ADGRL4: variants seen among roughly 807,000 people sequenced by gnomAD.
The protein encoded by ADGRL4 is EGF, latrophilin and seven transmembrane domain containing 1.
In ADGRL4, 90 loss-of-function variants were observed where a neutral mutation model predicts 74.8. The ratio of observed to expected loss-of-function variants is 1.20; its 90% CI spans 1.02 to 1.43. ADGRL4 has a LOEUF of 1.43. Ranked by LOEUF, ADGRL4 falls within the 40% of genes most tolerant of loss-of-function variation. ADGRL4 has a pLI of 0.00. For missense variants in ADGRL4, 881 were observed against 814.3 expected (o/e 1.08, Z -1.00); for synonymous variants, 311 against 279.2 (o/e 1.11, Z -1.14).
intron 12 of ADGRL4, among the ~76,000 whole-genome samples, chr1:78,911,525 A>G (rs7533063): frequency 0.28 from 43,108 of 151,632 alleles, 6,188 homozygotes; most frequent in Middle Eastern, 0.32. Flanking sequence ...AACAAATTCT[A>G]TATAAAAACA....
chr1:78,948,907 T>C (rs528612322), intron 2 of ADGRL4, among the ~76,000 whole-genome samples: 17 of 152,230 alleles, frequency 1.1e-4, no homozygotes, highest in Admixed American at 2.6e-4. Context: ...AAAGTCAGGA[T>C]CTGTGCCCTG....
intron 2 of ADGRL4, among the ~76,000 whole-genome samples, chr1:78,963,423 A>G (rs1284965508): frequency 6.6e-6 from 1 of 152,148 alleles, no homozygotes; most frequent in East Asian, 1.9e-4. Flanking sequence ...CCCTGCCTAG[A>G]TTGGAGTATT....
At chr1:78,944,936 G>T (rs1202899465) in intron 3 of ADGRL4, among the ~76,000 whole-genome samples, 2 of 151,912 alleles carry the variant, frequency 1.3e-5, no homozygotes, top group African/African-American at 4.8e-5. Context: ...AGGCTGAGGT[G>T]GGCAGATTGC....
chr1:79,000,329 T>A (rs1244415002), intron 2 of ADGRL4, among the ~76,000 whole-genome samples: 1 of 152,172 alleles, frequency 6.6e-6, no homozygotes, highest in Non-Finnish European at 1.5e-5. Context: ...GTAATTATCC[T>A]GTTAGATAAA....
At chr1:78,936,757 A>G (rs1405905728) in intron 6 of ADGRL4, among the ~76,000 whole-genome samples, 1 of 152,198 alleles carries the variant, frequency 6.6e-6, no homozygotes, top group Non-Finnish European at 1.5e-5. Context: ...CTTACTAATG[A>G]GTGATTTAAT....
chr1:78,956,177 C>G, intron 2 of ADGRL4, among the ~76,000 whole-genome samples: 1 of 152,096 alleles, frequency 6.6e-6, no homozygotes, highest in Non-Finnish European at 1.5e-5. Flanking sequence ...ATTAGCAGGA[C>G]TTTGTCTTCA....
At chr1:78,994,187 T>C (rs1470100338) in intron 2 of ADGRL4, among the ~76,000 whole-genome samples, 1 of 152,148 alleles carries the variant, frequency 6.6e-6, no homozygotes, top group Non-Finnish European at 1.5e-5. Flanking sequence ...AGCAAACCAA[T>C]GTAAAGTTTA....
intron 2 of ADGRL4, among the ~76,000 whole-genome samples, chr1:78,993,264 T>G (rs1229266607): frequency 6.6e-6 from 1 of 152,152 alleles, no homozygotes; most frequent in Non-Finnish European, 1.5e-5. Context: ...GCATTCCATT[T>G]TAATCAAATT....
Position 78,931,323 on chromosome 1 carries a change from G to T in ADGRL4, c.878-4232C>A, listed in dbSNP as rs959419517. On this transcript the variant is annotated intron_variant, in intron 7 of 14. Coordinates refer to ENST00000370742, the MANE Select transcript of ADGRL4 (RefSeq NM_022159.4). Reference sequence around the variant, plus strand: ...TTTTCAACCCAGAGTTTCATATCCAGCCAAACTAAGCTTCACAAGCGAAGG... The same window carrying T: ...TTTTCAACCCAGAGTTTCATATCCATCCAAACTAAGCTTCACAAGCGAAGG... Among the ~76,000 whole-genome samples the T allele has an allele frequency of 3.8e-4, 57 of 151,420 alleles. 3 individuals carry two copies. Among genetic ancestry groups the T allele is most frequent in the African/African-American group, 1.3e-3 (52 of 40,808 alleles).
At chr1:78,942,264 A>T (rs974033269) in intron 3 of ADGRL4, among the ~76,000 whole-genome samples, 8 of 152,126 alleles carry the variant, frequency 5.3e-5, no homozygotes, top group Middle Eastern at 3.4e-3. Context: ...GGAAGGTGGA[A>T]TAGTGCCTAG....
rs77840326 is a variant in ADGRL4 at position 78,974,321 on chromosome 1, C to T, written c.173-27895G>A. Among the ~76,000 whole-genome samples, 993 of 152,146 alleles carry T rather than the reference C, an allele frequency of 6.5e-3. 9 individuals are homozygous for T. The highest frequency in any genetic ancestry group is 0.019 in the African/African-American group (775 of 41,502). ...CAATAGTACTATGGTCTATCTTCTT[C>T]TACATTTTCAGTTATTTATTGACAA... On this transcript the variant is annotated intron_variant, in intron 2 of 14. Transcript: ENST00000370742.
intron 2 of ADGRL4, among the ~76,000 whole-genome samples, chr1:78,968,156 A>G (rs899610835): frequency 6.6e-6 from 1 of 152,142 alleles, no homozygotes; most frequent in African/African-American, 2.4e-5. Context: ...TACATGCATC[A>G]ATTATAATTA....
intron 2 of ADGRL4, among the ~76,000 whole-genome samples, chr1:78,959,169 G>A (rs577719690): frequency 2.0e-4 from 31 of 152,210 alleles, no homozygotes; most frequent in African/African-American, 7.5e-4. Flanking sequence ...TGTGATACTC[G>A]CTTTATGGCA....
At chr1:78,909,100 A>G (rs1266668729) in intron 12 of ADGRL4, among the ~76,000 whole-genome samples, 2 of 151,988 alleles carry the variant, frequency 1.3e-5, no homozygotes, top group African/African-American at 4.8e-5. Flanking sequence ...TTAGAGTATT[A>G]AAGTGCCTTG....
chr1:78,938,382 G>T, intron 4 of ADGRL4, 103 bp from the exon 5 acceptor site: 1 of 825,100 alleles, frequency 1.2e-6, no homozygotes, highest in Non-Finnish European at 1.8e-6. Context: ...TGGTTTCCTT[G>T]GTCTACACAT....
chr1:78,957,936 T>G (rs962937890), intron 2 of ADGRL4, among the ~76,000 whole-genome samples: 3 of 152,196 alleles, frequency 2.0e-5, no homozygotes, highest in Non-Finnish European at 1.5e-5. Flanking sequence ...GATTTTAAGT[T>G]GATGCCAGTG....
chr1:78,932,083 T>A (rs906272828), intron 7 of ADGRL4, among the ~76,000 whole-genome samples: 4 of 151,442 alleles, frequency 2.6e-5, no homozygotes, highest in African/African-American at 9.8e-5. Flanking sequence ...GTGGACCTAA[T>A]AAACATTTAC....
chr1:78,940,726 A>G (rs1375822891), intron 3 of ADGRL4, among the ~76,000 whole-genome samples: 1 of 152,202 alleles, frequency 6.6e-6, no homozygotes, highest in Non-Finnish European at 1.5e-5. Context: ...GGGTGGCATA[A>G]TACTGTTTGC....
chr1:79,003,261 A>T (rs555908393), intron 2 of ADGRL4, among the ~76,000 whole-genome samples: 2 of 151,984 alleles, frequency 1.3e-5, no homozygotes, highest in African/African-American at 4.8e-5. Context: ...TATCCTGACT[A>T]AAAAAAGGTT....
Sources: gnomAD v4.1 joint callset for allele counts (sites outside exome capture counted in the v4.1 genomes callset) on GRCh38, gnomAD v4.1.1 for gene constraint, MANE v1.5 for transcripts, NCBI Gene and HGNC (gene_info 2026-07-23, HGNC 2026-07-21) for gene names.